The following VTI1A variants were observed in gnomAD, a reference collection of about 807,000 sequenced individuals.
VTI1A encodes the protein vesicle transport through interaction with t-SNAREs homolog 1A.
Under a neutral mutation model 34.9 loss-of-function variants are expected in VTI1A, and 22 were observed. The ratio of observed to expected loss-of-function variants is 0.63; its 90% confidence interval spans 0.45 to 0.90. The LOEUF (loss-of-function observed/expected upper bound fraction) is 0.90. Ranked by LOEUF, VTI1A falls within the 40% of genes least tolerant of loss-of-function variation. VTI1A has a pLI of 0.00. For missense variants in VTI1A, 268 were observed against 275.6 expected, an observed-to-expected ratio of 0.97 and a Z score of 0.20; for synonymous variants, 87 against 97.3, an observed-to-expected ratio of 0.89 and a Z score of 0.62.
intron 1 of VTI1A, among the ~76,000 whole-genome samples, chr10:112,455,111 G>A (rs1297803792): frequency 1.4e-5 from 2 of 146,442 alleles, no homozygotes; most frequent in East Asian, 4.1e-4. Flanking sequence ...CCAAAACTTC[G>A]TGTTGGTAGG....
chr10:112,803,057 C>T (rs750550575), intron 7 of VTI1A, among the ~76,000 whole-genome samples: 8 of 152,106 alleles, frequency 5.3e-5, no homozygotes, highest in Non-Finnish European at 1.0e-4. Context: ...CATGCCCCCT[C>T]TTCATTTTAT....
chr10:112,669,143 A>T lies in VTI1A; in HGVS notation c.560+145A>T, dbSNP rs371946433. On this transcript the variant is annotated intron_variant, in intron 7 of 7. Coordinates refer to ENST00000393077, the MANE Select transcript of VTI1A (RefSeq NM_145206.4). The stretch of plus-strand genomic sequence containing the variant: ...CAGGACCCATTTGAAATAACAGAGC[A>T]CTGATGTTAACTCTTGTTTGGACAG... The T allele has an allele frequency of 9.5e-4, 777 of 819,824 alleles. 6 individuals carry two copies. In the African/African-American group the frequency reaches 0.012, roughly 13 times the overall value. 50.8% of individuals were successfully genotyped at this position (819,824 alleles called of 1,614,324 possible).
intron 1 of VTI1A, among the ~76,000 whole-genome samples, chr10:112,451,275 CAG>C (rs1374045376): frequency 6.6e-6 from 1 of 152,096 alleles, no homozygotes; most frequent in African/African-American, 2.4e-5. Context: ...ATGTAAAAAT[CAG>C]TGAAATAAAA....
intron 3 of VTI1A, among the ~76,000 whole-genome samples, chr10:112,526,429 T>TACGCATGCATGCACACATGC (rs1564813038): frequency 6.6e-6 from 1 of 152,048 alleles, no homozygotes; most frequent in Non-Finnish European, 1.5e-5. Flanking sequence ...CACACACATG[T>TACGCATGCATGCACACATGC]ACGCATGCAT....
At chr10:112,502,263 G>A (rs1371067618) in intron 3 of VTI1A, among the ~76,000 whole-genome samples, 1 of 151,734 alleles carries the variant, frequency 6.6e-6, no homozygotes, top group African/African-American at 2.4e-5. Flanking sequence ...CAACTCCTAA[G>A]CCCAGGCAAA....
intron 5 of VTI1A, among the ~76,000 whole-genome samples, chr10:112,651,499 C>T (rs1006747079): frequency 2.6e-5 from 4 of 152,088 alleles, no homozygotes; most frequent in East Asian, 1.9e-4. Flanking sequence ...TTGGTAGAGA[C>T]GGGGTTTCAC....
chr10:112,572,897 T>C (rs1589920976), intron 5 of VTI1A, among the ~76,000 whole-genome samples: 2 of 151,994 alleles, frequency 1.3e-5, no homozygotes, highest in Admixed American at 6.6e-5. Context: ...ATGAACTGTA[T>C]TTTAATGGTG....
chr10:112,627,588 A>T lies in VTI1A; in HGVS notation c.428-40630A>T, dbSNP rs1196149612. On this transcript the variant is annotated intron_variant, in intron 5 of 7. Coordinates refer to ENST00000393077, the MANE Select transcript of VTI1A (RefSeq NM_145206.4). ...TTTAAGCTTTGAGGGTTTCTCCCCT[A>T]TGTATTCGTATGTTTTGTCTGTATC... Among the ~76,000 whole-genome samples, 8 of 152,192 alleles carry T rather than the reference A, an allele frequency of 5.3e-5. No homozygotes were observed. In the East Asian group the frequency reaches 1.3e-3, roughly 26 times the overall value.
At chr10:112,830,248 C>T in the VTI1A span, among the ~76,000 whole-genome samples, 1 of 152,068 alleles carries the variant, frequency 6.6e-6, no homozygotes, top group African/African-American at 2.4e-5. Context: ...AGAATTCCTT[C>T]CCATGGCCCG....
At chr10:112,452,404 C>T (rs899469213) in intron 1 of VTI1A, among the ~76,000 whole-genome samples, 2 of 152,014 alleles carry the variant, frequency 1.3e-5, no homozygotes, top group African/African-American at 4.8e-5. Context: ...CCCGTCTCTA[C>T]TAGAAATACA....
chr10:112,828,554 C>T, the VTI1A span, among the ~76,000 whole-genome samples: 2 of 151,858 alleles, frequency 1.3e-5, no homozygotes, highest in East Asian at 2.0e-4. Flanking sequence ...TACAGGCGCC[C>T]GCCACCACGC....
At chr10:112,668,358 TAAAC>T (rs1051060882) in intron 6 of VTI1A, 70 bp downstream of exon 6, 68 of 1,487,488 alleles carry the variant, frequency 4.6e-5, no homozygotes, top group Non-Finnish European at 6.0e-5. Context: ...CATTGGGACA[TAAAC>T]AATAGCAATT....
intron 1 of VTI1A, among the ~76,000 whole-genome samples, chr10:112,458,513 G>T (rs1310470663): frequency 6.6e-6 from 1 of 152,026 alleles, no homozygotes; most frequent in Non-Finnish European, 1.5e-5. Context: ...GAGAAATATT[G>T]TGAGTACACA....
intron 4 of VTI1A, among the ~76,000 whole-genome samples, chr10:112,537,310 G>GATATATATATATATATATATAT (rs1564817675): frequency 1.8e-4 from 2 of 10,850 alleles, no homozygotes; most frequent in Non-Finnish European, 4.9e-4. Flanking sequence ...TAAGTATCTA[G>GATATATATATATATATATATAT]GTATATATAT....
intron 5 of VTI1A, among the ~76,000 whole-genome samples, chr10:112,551,334 T>G (rs1037318734): frequency 4.6e-5 from 7 of 151,556 alleles, no homozygotes; most frequent in Middle Eastern, 6.8e-3. Flanking sequence ...TATATAACAC[T>G]TAAATAGAGC....
chr10:112,734,244 C>T (rs201237153), intron 7 of VTI1A, among the ~76,000 whole-genome samples: 3,127 of 152,206 alleles, frequency 0.021, 112 homozygotes, highest in African/African-American at 0.071. Context: ...CCTCCTCTCC[C>T]TTCATCATTC....
intron 5 of VTI1A, chr10:112,634,043 T>C (rs938912015): frequency 1.7e-4 from 26 of 152,474 alleles, no homozygotes; most frequent in African/African-American, 6.3e-4. Context: ...GTTGCAAGCA[T>C]TATATGAGCA....
intron 5 of VTI1A, among the ~76,000 whole-genome samples, chr10:112,665,218 A>G (rs1847599111): frequency 6.6e-6 from 1 of 152,142 alleles, no homozygotes. Flanking sequence ...CGCTAAACCC[A>G]AGATAGTCTA....
At chr10:112,695,837 A>G (rs1483960157) in intron 7 of VTI1A, among the ~76,000 whole-genome samples, 1 of 152,224 alleles carries the variant, frequency 6.6e-6, no homozygotes, top group Non-Finnish European at 1.5e-5. Flanking sequence ...ACTGAGGTTC[A>G]TGATGGTTAC....
Sources: gnomAD v4.1 joint callset for allele counts (sites outside exome capture counted in the v4.1 genomes callset) on GRCh38, gnomAD v4.1.1 for gene constraint, MANE v1.5 for transcripts, NCBI Gene and HGNC (gene_info 2026-07-23, HGNC 2026-07-21) for gene names.